The following NTM variants were observed in gnomAD, a reference collection of about 807,000 sequenced individuals.
NTM encodes neurotrimin, also known as IgLON family member 2.
Under a neutral mutation model 42.1 loss-of-function variants are expected in NTM, and 13 were observed. The observed-to-expected ratio is 0.31, with a 90% CI of 0.20 to 0.49. The LOEUF (loss-of-function observed/expected upper bound fraction) is 0.49. Among genes scored for constraint, NTM ranks in the 20% least tolerant of loss-of-function variants. The pLI is 0.99. For synonymous variants in NTM, 187 were observed against 179.2 expected (o/e 1.04, Z -0.35); for missense variants, 373 against 452.8 (o/e 0.82, Z 1.60).
chr11:131,968,787 A>G (rs1029644074), intron 2 of NTM, among the ~76,000 whole-genome samples: 5 of 152,160 alleles, frequency 3.3e-5, no homozygotes, highest in Admixed American at 3.3e-4. Flanking sequence ...TGCATTTCGT[A>G]TAGAGCTTTT....
chr11:131,797,393 T>G (rs548607687), intron 1 of NTM, among the ~76,000 whole-genome samples: 6 of 152,280 alleles, frequency 3.9e-5, no homozygotes, highest in South Asian at 2.1e-4. Context: ...CTCTAGGAAC[T>G]GATAATGGAA....
chr11:131,394,869 G>A (rs974234112), intron 1 of NTM, among the ~76,000 whole-genome samples: 20 of 152,184 alleles, frequency 1.3e-4, no homozygotes, highest in African/African-American at 4.8e-4. Flanking sequence ...GTGCACTAAG[G>A]CACTGTTCTA....
At chr11:132,220,634 T>A (rs1364228562) in intron 4 of NTM, among the ~76,000 whole-genome samples, 1 of 152,186 alleles carries the variant, frequency 6.6e-6, no homozygotes, top group African/African-American at 2.4e-5. Context: ...CCAATTATTT[T>A]AAAACCCTTG....
chr11:131,733,443 T>TTTCC (rs762313495), intron 1 of NTM, among the ~76,000 whole-genome samples: 5,345 of 141,212 alleles, frequency 0.038, 322 homozygotes, highest in African/African-American at 0.097. Context: ...TAAAATGTCT[T>TTTCC]TTCCTTCCTT....
At chr11:131,916,225 AG>A (rs2056335572) in intron 2 of NTM, among the ~76,000 whole-genome samples, 1 of 152,194 alleles carries the variant, frequency 6.6e-6, no homozygotes, top group Non-Finnish European at 1.5e-5. Context: ...GGAATCAGAG[AG>A]CCCCAGAAGC....
chr11:132,063,962 G>A (rs546034137), intron 2 of NTM, among the ~76,000 whole-genome samples: 1 of 152,166 alleles, frequency 6.6e-6, no homozygotes, highest in Non-Finnish European at 1.5e-5. Flanking sequence ...GCAACACAAA[G>A]TTAAGGAGCA....
At chr11:131,577,637 C>T (rs370721309) in intron 1 of NTM, among the ~76,000 whole-genome samples, 1 of 152,126 alleles carries the variant, frequency 6.6e-6, no homozygotes, top group African/African-American at 2.4e-5. Flanking sequence ...TAGAGTTGTG[C>T]CTGCTCTGTT....
At chr11:131,617,949 A>C (rs550613163) in intron 1 of NTM, among the ~76,000 whole-genome samples, 5 of 152,288 alleles carry the variant, frequency 3.3e-5, no homozygotes, top group African/African-American at 1.2e-4. Context: ...GGGCTGTCTT[A>C]GAAGAACCAG....
intron 1 of NTM, among the ~76,000 whole-genome samples, chr11:131,613,259 C>A (rs74586275): frequency 6.6e-6 from 1 of 152,300 alleles, no homozygotes; most frequent in Admixed American, 6.5e-5. Context: ...CAAGCAGACC[C>A]TGATGCCCTC....
chr11:131,522,042 T>C (rs2049810693), intron 1 of NTM, among the ~76,000 whole-genome samples: 1 of 152,180 alleles, frequency 6.6e-6, no homozygotes, highest in Non-Finnish European at 1.5e-5. Flanking sequence ...GCCAGGCAGA[T>C]ATATGAAAAG....
intron 1 of NTM, among the ~76,000 whole-genome samples, chr11:131,751,320 C>T (rs975942464): frequency 4.0e-5 from 6 of 151,824 alleles, no homozygotes; most frequent in African/African-American, 1.4e-4. Context: ...GGCACGGTGG[C>T]TCACGCCACC....
intron 3 of NTM, among the ~76,000 whole-genome samples, chr11:132,194,459 A>G (rs2079847531): frequency 1.3e-5 from 2 of 152,290 alleles, no homozygotes; most frequent in South Asian, 2.1e-4. Flanking sequence ...CATCAAAGGA[A>G]CATGCCTCAA....
At position 131,518,868 on chromosome 11, in the gene NTM, G is replaced by T. The variant is rs898842450; in HGVS notation, c.82+147980G>T. ...TATATGGCTGTTTCCATAGATACCC[G>T]ACCTTAATAACTAATTAGGACAACA... On this transcript the variant is annotated intron_variant, in intron 1 of 8. Transcript: ENST00000683400. 2.0e-5 allele frequency among the ~76,000 whole-genome samples: 3 copies of T among 152,118 alleles called. No homozygotes were observed. The East Asian group carries it at 5.8e-4, about 29-fold the overall frequency.
intron 3 of NTM, among the ~76,000 whole-genome samples, chr11:132,172,040 G>A (rs2076188592): frequency 6.6e-6 from 1 of 152,178 alleles, no homozygotes; most frequent in African/African-American, 2.4e-5. Flanking sequence ...ACAGTCAACT[G>A]ACTCCACATT....
chr11:132,018,116 CCTCT>C (rs547508591), intron 2 of NTM, among the ~76,000 whole-genome samples: 2 of 151,328 alleles, frequency 1.3e-5, no homozygotes, highest in Non-Finnish European at 3.0e-5. Flanking sequence ...TCCCTCTCTC[CCTCT>C]GTCTCTCTGT....
intron 1 of NTM, among the ~76,000 whole-genome samples, chr11:131,381,045 G>A (rs569721291): frequency 1.5e-4 from 23 of 152,272 alleles, no homozygotes; most frequent in African/African-American, 4.8e-4. Context: ...TACTTGTGGA[G>A]CTCAGTATTT....
chr11:132,124,660 T>C (rs1273070684), intron 2 of NTM, among the ~76,000 whole-genome samples: 1 of 152,214 alleles, frequency 6.6e-6, no homozygotes, highest in East Asian at 1.9e-4. Context: ...TTGGGTAATT[T>C]ATAAAGTACA....
At chr11:131,721,407 A>T (rs2078316754) in intron 1 of NTM, among the ~76,000 whole-genome samples, 1 of 152,162 alleles carries the variant, frequency 6.6e-6, no homozygotes, top group South Asian at 2.1e-4. Flanking sequence ...CATCTGTAGC[A>T]TGGGGATAAG....
chr11:131,924,276 C>T (rs537378597), intron 2 of NTM, among the ~76,000 whole-genome samples: 3 of 152,238 alleles, frequency 2.0e-5, no homozygotes. Context: ...GCCAAGGTGA[C>T]CTGGCTTTTA....
Sources: allele counts gnomAD v4.1 joint callset (sites outside exome capture counted in the v4.1 genomes callset), GRCh38; gene constraint gnomAD v4.1.1; transcripts MANE v1.5; gene names NCBI Gene and HGNC (gene_info 2026-07-23, HGNC 2026-07-21).